CCDC6: variants seen among roughly 807,000 people sequenced by gnomAD.
CCDC6 encodes the protein coiled-coil domain-containing protein 6.
In CCDC6, 20 loss-of-function variants were observed where a neutral mutation model predicts 56.6. The observed-to-expected ratio is 0.35, with a 90% CI of 0.25 to 0.51. The LOEUF (loss-of-function observed/expected upper bound fraction) is 0.51. CCDC6 is among the 20% of genes least tolerant of loss of function. The pLI is 0.95. For missense variants in CCDC6, 367 were observed against 601.1 expected (o/e 0.61, Z 4.07); for synonymous variants, 241 against 234.4 (o/e 1.03, Z -0.26).
In CCDC6 at chr10:59,880,445, T is replaced by C. The variant is rs182444633; in HGVS notation, c.303+25677A>G. 5.9e-5 allele frequency among the ~76,000 whole-genome samples: 9 copies of C among 152,312 alleles called. No individual in the cohort carries two copies. The East Asian group carries it at 1.5e-3, about 26-fold the overall frequency. ...AGAAAGACATTAAACACTTAAAAAG[T>C]ACACACTGTCTAATTCCAGTTAAGC... On this transcript the variant is annotated intron_variant, in intron 1 of 8. Coordinates refer to ENST00000263102, the MANE Select transcript of CCDC6 (RefSeq NM_005436.5).
rs116453323 is a variant in CCDC6 at position 59,861,198 on chromosome 10, T to A, written c.304-8496A>T. On this transcript the variant is annotated intron_variant, in intron 1 of 8. Coordinates refer to ENST00000263102, the MANE Select transcript of CCDC6 (RefSeq NM_005436.5). ...TCTCAAAAAATAATAAAAATAAATTTAAAAAAAATAATAATCCGGGTGCGG... is the reference window on the plus strand; with the variant it reads ...TCTCAAAAAATAATAAAAATAAATTAAAAAAAAATAATAATCCGGGTGCGG... Among the ~76,000 whole-genome samples the A allele has an allele frequency of 9.1e-3, 1,382 of 151,414 alleles. 30 individuals carry two copies. Among genetic ancestry groups the A allele is most frequent in the African/African-American group, 0.032 (1,306 of 41,298 alleles).
intron 2 of CCDC6, among the ~76,000 whole-genome samples, chr10:59,839,602 T>C (rs1042398206): frequency 2.6e-5 from 4 of 152,192 alleles, no homozygotes; most frequent in Admixed American, 1.3e-4. Context: ...ATTCTTATGG[T>C]ATTTACTTCC....
At chr10:59,862,014 C>T (rs2071132857) in intron 1 of CCDC6, among the ~76,000 whole-genome samples, 1 of 152,054 alleles carries the variant, frequency 6.6e-6, no homozygotes, top group Admixed American at 6.6e-5. Flanking sequence ...GACCCATCTC[C>T]CCAAATAATT....
At chr10:59,883,409 C>G (rs75358814) in intron 1 of CCDC6, among the ~76,000 whole-genome samples, 2,578 of 152,258 alleles carry the variant, frequency 0.017, 87 homozygotes, top group African/African-American at 0.059. Flanking sequence ...ACTCCGATGT[C>G]CCTGATGAGC....
chr10:59,805,538 G>A lies in CCDC6; in HGVS notation c.1005-1018C>T, dbSNP rs1192646228. ...CAGTCAAAAGACATATTTCCTTAGAGTGTATCTTACCCCAAACTGGGTCCC... is the reference window on the plus strand; with the variant it reads ...CAGTCAAAAGACATATTTCCTTAGAATGTATCTTACCCCAAACTGGGTCCC... On this transcript the variant is annotated intron_variant, in intron 6 of 8. Coordinates refer to ENST00000263102, the MANE Select transcript of CCDC6 (RefSeq NM_005436.5). 2.0e-5 allele frequency: 3 copies of A among 152,152 alleles called. No homozygotes were observed. In the East Asian group the frequency reaches 5.8e-4, roughly 29 times the overall value. 9.4% of individuals were successfully genotyped at this position (152,152 alleles called of 1,614,324 possible).
chr10:59,855,992 G>A (rs570590364), intron 1 of CCDC6, among the ~76,000 whole-genome samples: 20 of 152,154 alleles, frequency 1.3e-4, no homozygotes, highest in Admixed American at 2.6e-4. Flanking sequence ...ATTTCTAAGC[G>A]AAGCTCATTA....
chr10:59,882,048 A>C (rs28647806), intron 1 of CCDC6, among the ~76,000 whole-genome samples: 1 of 40,824 alleles, frequency 2.4e-5, no homozygotes, highest in Admixed American at 2.5e-4. Context: ...AAGGAAAGCC[A>C]GGGGGAGAAG....
intron 1 of CCDC6, among the ~76,000 whole-genome samples, chr10:59,892,189 T>C (rs2071426975): frequency 6.6e-6 from 1 of 152,184 alleles, no homozygotes; most frequent in Non-Finnish European, 1.5e-5. Context: ...GGGTCAAAAG[T>C]CTCTATCAGA....
intron 3 of CCDC6, among the ~76,000 whole-genome samples, chr10:59,818,867 T>G (rs1367094266): frequency 6.6e-6 from 1 of 152,226 alleles, no homozygotes; most frequent in Non-Finnish European, 1.5e-5. Context: ...TGATGCAGTA[T>G]GCAAGTATTC....
rs1334779324 is a variant in CCDC6 at position 59,792,850 on chromosome 10, C to A, written c.*67G>T. 2 of 1,470,778 alleles carry A rather than the reference C, an allele frequency of 1.4e-6. No individual in the cohort carries two copies. The highest frequency in any genetic ancestry group is 1.9e-6 in the Non-Finnish European group (2 of 1,049,786). The allele number at this position is 1,470,778 out of a possible 1,614,324, so 91.1% of individuals were successfully genotyped here. Reference sequence around the variant, plus strand: ...TATCCAAATATGCCAGAGAAGGAAGCCTTTGGCGTTGAGTAGACGGCTCCA... The same window carrying A: ...TATCCAAATATGCCAGAGAAGGAAGACTTTGGCGTTGAGTAGACGGCTCCA... On this transcript the variant is annotated 3_prime_UTR_variant, in exon 9 of 9. Coordinates refer to ENST00000263102, the MANE Select transcript of CCDC6 (RefSeq NM_005436.5).
intron 2 of CCDC6, among the ~76,000 whole-genome samples, chr10:59,851,136 A>AAC (rs2071035992): frequency 6.7e-6 from 1 of 148,586 alleles, no homozygotes; most frequent in Non-Finnish European, 1.5e-5. Context: ...AAATTGAAAA[A>AAC]AAAAAAAAAA....
intron 1 of CCDC6, among the ~76,000 whole-genome samples, chr10:59,865,418 C>A (rs757193150): frequency 1.3e-5 from 2 of 152,246 alleles, no homozygotes; most frequent in East Asian, 3.9e-4. Flanking sequence ...CACCCTTTCC[C>A]GGCAAGGTGC....
At chr10:59,845,342 A>G (rs899085698) in intron 2 of CCDC6, among the ~76,000 whole-genome samples, 4 of 100,846 alleles carry the variant, frequency 4.0e-5, no homozygotes, top group Non-Finnish European at 8.0e-5. Context: ...TTTTGCCCCT[A>G]TGGGTTTTTT....
chr10:59,835,473 G>A (rs1233323961), intron 2 of CCDC6, among the ~76,000 whole-genome samples: 2 of 152,180 alleles, frequency 1.3e-5, no homozygotes, highest in Non-Finnish European at 2.9e-5. Flanking sequence ...CTCAAGAGCT[G>A]TACCCTAAGG....
chr10:59,847,552 T>G (rs1013323805), intron 2 of CCDC6, among the ~76,000 whole-genome samples: 7 of 152,116 alleles, frequency 4.6e-5, no homozygotes, highest in African/African-American at 1.7e-4. Flanking sequence ...CTGCTGCCCA[T>G]GACAAAGAGA....
At chr10:59,819,507 T>C (rs1006351926) in intron 3 of CCDC6, among the ~76,000 whole-genome samples, 4 of 152,148 alleles carry the variant, frequency 2.6e-5, no homozygotes, top group Non-Finnish European at 5.9e-5. Context: ...TAATTCCAAA[T>C]CCTATATACT....
intron 1 of CCDC6, among the ~76,000 whole-genome samples, chr10:59,860,769 T>C (rs913759547): frequency 6.6e-6 from 1 of 152,124 alleles, no homozygotes; most frequent in African/African-American, 2.4e-5. Context: ...TAAAAACTAC[T>C]GGGCGCGATG....
At chr10:59,902,540 T>C (rs1304967378) in intron 1 of CCDC6, among the ~76,000 whole-genome samples, 2 of 152,056 alleles carry the variant, frequency 1.3e-5, no homozygotes, top group African/African-American at 4.8e-5. Flanking sequence ...ATTACAGGCA[T>C]GCAACACCAT....
chr10:59,879,231 A>T (rs2071311054), intron 1 of CCDC6, among the ~76,000 whole-genome samples: 2 of 152,238 alleles, frequency 1.3e-5, no homozygotes, highest in African/African-American at 4.8e-5. Context: ...AAGGATCTAA[A>T]GGGTAATGTT....
Sources: gnomAD v4.1 joint callset for allele counts (sites outside exome capture counted in the v4.1 genomes callset) on GRCh38, gnomAD v4.1.1 for gene constraint, MANE v1.5 for transcripts, NCBI Gene and HGNC (gene_info 2026-07-23, HGNC 2026-07-21) for gene names.